AFG1L: variants seen among roughly 807,000 people sequenced by gnomAD.
AFG1L encodes AFG1 like ATPase.
A neutral mutation model predicts 62.2 loss-of-function variants in AFG1L; 53 were observed. That is an observed-to-expected ratio of 0.85 (90% CI 0.68 to 1.07). AFG1L has a LOEUF of 1.07. Among genes scored for constraint, AFG1L ranks in the 50% least tolerant of loss-of-function variants. The pLI is 0.00. For synonymous variants in AFG1L, 228 were observed against 210.3 expected, an observed-to-expected ratio of 1.08 and a Z score of -0.73; for missense variants, 555 against 590.5, an observed-to-expected ratio of 0.94 and a Z score of 0.62.
At chr6:108,310,569 C>T (rs1027376820) in intron 1 of AFG1L, among the ~76,000 whole-genome samples, 1 of 148,152 alleles carries the variant, frequency 6.7e-6, no homozygotes, top group African/African-American at 2.6e-5. Context: ...GTTGTATTTT[C>T]ACCTTCTTTT....
At chr6:108,409,141 A>C in intron 7 of AFG1L, among the ~76,000 whole-genome samples, 1 of 152,258 alleles carries the variant, frequency 6.6e-6, no homozygotes, top group Non-Finnish European at 1.5e-5. Context: ...ATGCATCAAA[A>C]AATACTGGAA....
chr6:108,365,494 T>G (rs1251809197), intron 5 of AFG1L, among the ~76,000 whole-genome samples: 2 of 149,906 alleles, frequency 1.3e-5, no homozygotes, highest in Non-Finnish European at 3.0e-5. Flanking sequence ...TTTTTTTTGT[T>G]TTTTTTTTTT....
At chr6:108,387,683 A>G (rs1322802085) in intron 6 of AFG1L, 1 of 152,260 alleles carries the variant, frequency 6.6e-6, no homozygotes, top group Non-Finnish European at 1.5e-5. Context: ...GGAATTGATT[A>G]CATGATTTTT....
At chr6:108,500,806 C>T (rs1774166370) in intron 10 of AFG1L, among the ~76,000 whole-genome samples, 1 of 152,198 alleles carries the variant, frequency 6.6e-6, no homozygotes, top group African/African-American at 2.4e-5. Flanking sequence ...CCACATTCCT[C>T]ACCCACATCT....
At chr6:108,517,492 A>C (rs2114914248) in intron 11 of AFG1L, among the ~76,000 whole-genome samples, 1 of 152,354 alleles carries the variant, frequency 6.6e-6, no homozygotes, top group East Asian at 1.9e-4. Context: ...CACCTTATGC[A>C]AAAATTAATT....
intron 7 of AFG1L, among the ~76,000 whole-genome samples, chr6:108,412,043 G>GA (rs988553348): frequency 1.3e-5 from 2 of 152,130 alleles, no homozygotes; most frequent in African/African-American, 4.8e-5. Flanking sequence ...TGTCTAACTA[G>GA]AAAAAACAGT....
At chr6:108,462,406 AAAAC>A (rs1336260591) in intron 8 of AFG1L, among the ~76,000 whole-genome samples, 16 of 151,552 alleles carry the variant, frequency 1.1e-4, no homozygotes, top group Admixed American at 4.7e-4. Flanking sequence ...CTTGTCTCAA[AAAAC>A]AAACAAAAAA....
At chr6:108,407,975 A>G (rs574913913) in intron 7 of AFG1L, among the ~76,000 whole-genome samples, 2 of 152,090 alleles carry the variant, frequency 1.3e-5, no homozygotes, top group South Asian at 2.1e-4. Context: ...TGTGAGTCCT[A>G]TTTTCCTGCT....
At chr6:108,327,052 G>C (rs745556309) in intron 2 of AFG1L, among the ~76,000 whole-genome samples, 12 of 152,084 alleles carry the variant, frequency 7.9e-5, no homozygotes, top group Non-Finnish European at 1.8e-4. Flanking sequence ...TTTGAGATCA[G>C]CCTGGACGAT....
intron 10 of AFG1L, 150 bp from the exon 11 acceptor site, chr6:108,510,062 G>A: frequency 1.8e-6 from 1 of 565,334 alleles, no homozygotes; most frequent in South Asian, 2.4e-5. Context: ...AGTGCCTAGG[G>A]CAACTGCCTA....
intron 2 of AFG1L, among the ~76,000 whole-genome samples, chr6:108,340,457 A>G (rs1778639844): frequency 1.3e-5 from 2 of 151,162 alleles, no homozygotes; most frequent in African/African-American, 4.9e-5. Context: ...TCCATCTCCC[A>G]ATTTCAAGCG....
chr6:108,333,491 TCAA>T (rs533812992), intron 2 of AFG1L, among the ~76,000 whole-genome samples: 57 of 151,986 alleles, frequency 3.8e-4, no homozygotes, highest in African/African-American at 1.3e-3. Context: ...GCCTGTAATC[TCAA>T]CACTATGAGA....
chr6:108,352,975 C>A (rs1326995618), intron 3 of AFG1L, among the ~76,000 whole-genome samples: 1 of 151,978 alleles, frequency 6.6e-6, no homozygotes, highest in Non-Finnish European at 1.5e-5. Context: ...GTATATACCA[C>A]TTTTTGTTTA....
At chr6:108,442,483 G>C (rs1014410044) in intron 7 of AFG1L, among the ~76,000 whole-genome samples, 1 of 152,182 alleles carries the variant, frequency 6.6e-6, no homozygotes, top group Admixed American at 6.5e-5. Flanking sequence ...TGGGGAGTTG[G>C]GTTTGGACAA....
intron 1 of AFG1L, among the ~76,000 whole-genome samples, chr6:108,319,139 A>G (rs1414223573): frequency 6.6e-6 from 1 of 152,242 alleles, no homozygotes; most frequent in African/African-American, 2.4e-5. Flanking sequence ...TAAAAGTAGA[A>G]GGACTTTAAG....
chr6:108,468,650 AC>A (rs960733988), intron 8 of AFG1L, among the ~76,000 whole-genome samples: 8 of 142,852 alleles, frequency 5.6e-5, no homozygotes, highest in Non-Finnish European at 7.7e-5. Context: ...TCTTCTCCCC[AC>A]CCCTCCACCC....
At chr6:108,363,185 T>C (rs934626152) in intron 5 of AFG1L, among the ~76,000 whole-genome samples, 17 of 152,208 alleles carry the variant, frequency 1.1e-4, no homozygotes, top group Non-Finnish European at 2.5e-4. Flanking sequence ...AGAATGCTCT[T>C]CATTAGTTTG....
intron 1 of AFG1L, among the ~76,000 whole-genome samples, chr6:108,314,676 A>G (rs1341219149): frequency 6.6e-6 from 1 of 151,952 alleles, no homozygotes; most frequent in African/African-American, 2.4e-5. Flanking sequence ...CTAGGATTAC[A>G]GGCGTGAGCC....
intron 8 of AFG1L, among the ~76,000 whole-genome samples, chr6:108,461,730 A>G (rs987276394): frequency 4.3e-4 from 66 of 152,304 alleles, no homozygotes; most frequent in African/African-American, 1.5e-3. Flanking sequence ...AATTGCTGGG[A>G]TTACAGGCAT....
Sources: gnomAD v4.1 joint callset for allele counts (sites outside exome capture counted in the v4.1 genomes callset) on GRCh38, gnomAD v4.1.1 for gene constraint, MANE v1.5 for transcripts, NCBI Gene and HGNC (gene_info 2026-07-23, HGNC 2026-07-21) for gene names.